OPCML: variants seen among roughly 807,000 people sequenced by gnomAD.
The protein encoded by OPCML is opioid-binding protein/cell adhesion molecule.
OPCML carries 13 observed loss-of-function variants against 37.8 expected under a neutral mutation model. That is an observed-to-expected ratio of 0.34 (90% CI 0.22 to 0.55). OPCML has a LOEUF of 0.55. Ranked by LOEUF, OPCML falls within the 20% of genes least tolerant of loss-of-function variation. The pLI is 0.91. For synonymous variants in OPCML, 176 were observed against 168.8 expected (o/e 1.04, Z -0.33); for missense variants, 341 against 435.6 (o/e 0.78, Z 1.93).
chr11:133,220,434 T>A lies in OPCML; in HGVS notation c.62-277424A>T, dbSNP rs531465032. 2.6e-5 allele frequency among the ~76,000 whole-genome samples: 4 copies of A among 152,256 alleles called. No individual in the cohort carries two copies. In the South Asian group the frequency reaches 6.2e-4, roughly 24 times the overall value. ...TTCCACATGAAGGCCACCCTTGCTT[T>A]CCCAGGGCTCTACTGCTGCCAGACA... On this transcript the variant is annotated intron_variant, in intron 1 of 7. Transcript: ENST00000524381.
rs113888401 is a variant in OPCML, at chr11:132,549,175, C to A, written c.380-19989G>T. 5.3e-5 allele frequency among the ~76,000 whole-genome samples: 8 copies of A among 152,280 alleles called. No individual in the cohort carries two copies. The East Asian group carries it at 1.6e-3, about 30-fold the overall frequency. ...CCAAAACTCACCAAAACCAAGATGG[C>A]GAAGAAAGTGACCTCTGGTCACCCT... On this transcript the variant is annotated intron_variant, in intron 3 of 7. Coordinates refer to ENST00000524381, the MANE Select transcript of OPCML (RefSeq NM_001012393.5).
At chr11:132,997,017 A>G (rs1946901056) in intron 1 of OPCML, among the ~76,000 whole-genome samples, 1 of 152,134 alleles carries the variant, frequency 6.6e-6, no homozygotes, top group South Asian at 2.1e-4. Flanking sequence ...GGAGCCTGGT[A>G]TCTCTGGGTC....
chr11:132,464,227 T>G (rs551889134), intron 4 of OPCML, among the ~76,000 whole-genome samples: 151 of 152,256 alleles, frequency 9.9e-4, no homozygotes, highest in African/African-American at 3.0e-3. Flanking sequence ...CCTTCATGTC[T>G]CTGTCTGGAA....
At chr11:132,864,637 C>G (rs1337900574) in intron 2 of OPCML, among the ~76,000 whole-genome samples, 1 of 152,072 alleles carries the variant, frequency 6.6e-6, no homozygotes, top group African/African-American at 2.4e-5. Flanking sequence ...AGTAGGAATT[C>G]AATAAATTTG....
intron 1 of OPCML, among the ~76,000 whole-genome samples, chr11:133,180,010 G>C (rs1937747755): frequency 6.6e-6 from 1 of 152,134 alleles, no homozygotes; most frequent in African/African-American, 2.4e-5. Flanking sequence ...CCCGCAGAAG[G>C]CAACCATGGG....
chr11:133,362,929 C>T (rs189232996), intron 1 of OPCML, among the ~76,000 whole-genome samples: 197 of 152,292 alleles, frequency 1.3e-3, no homozygotes, highest in Non-Finnish European at 2.1e-3. Flanking sequence ...CCTAAAGCTG[C>T]TCAGAAGGGA....
chr11:132,474,865 G>A (rs2096149996), intron 4 of OPCML, among the ~76,000 whole-genome samples: 2 of 152,150 alleles, frequency 1.3e-5, no homozygotes. Flanking sequence ...GTCATACCTG[G>A]CACCTCAACT....
chr11:132,820,906 C>A (rs773813894), intron 2 of OPCML, among the ~76,000 whole-genome samples: 2 of 152,160 alleles, frequency 1.3e-5, no homozygotes, highest in African/African-American at 4.8e-5. Context: ...AGATACATAG[C>A]ATGTATGTTT....
intron 1 of OPCML, among the ~76,000 whole-genome samples, chr11:132,988,018 T>A (rs1475707761): frequency 6.6e-6 from 1 of 152,256 alleles, no homozygotes; most frequent in Admixed American, 6.5e-5. Context: ...CTGTTAGTTA[T>A]GACTCAACAA....
At chr11:132,919,901 G>A (rs1300211805) in intron 2 of OPCML, among the ~76,000 whole-genome samples, 5 of 152,208 alleles carry the variant, frequency 3.3e-5, no homozygotes, top group Admixed American at 6.5e-5. Context: ...CAGAGAATGC[G>A]TATTGTGCGA....
At chr11:133,071,872 A>G (rs922421317) in intron 1 of OPCML, among the ~76,000 whole-genome samples, 1 of 152,156 alleles carries the variant, frequency 6.6e-6, no homozygotes, top group Non-Finnish European at 1.5e-5. Context: ...CAAATCCAAG[A>G]GCAAATCTTC....
At chr11:133,255,953 A>G (rs1160810003) in intron 1 of OPCML, among the ~76,000 whole-genome samples, 2 of 152,210 alleles carry the variant, frequency 1.3e-5, no homozygotes, top group Non-Finnish European at 2.9e-5. Context: ...CTTTTTAAAG[A>G]CTATTTAATA....
At chr11:133,497,904 C>A (rs1947819868) in intron 1 of OPCML, among the ~76,000 whole-genome samples, 1 of 152,226 alleles carries the variant, frequency 6.6e-6, no homozygotes, top group Non-Finnish European at 1.5e-5. Context: ...CTCCCCACTG[C>A]AAGTGAATCG....
chr11:133,375,421 T>A (rs1484524343), intron 1 of OPCML, among the ~76,000 whole-genome samples: 1 of 152,230 alleles, frequency 6.6e-6, no homozygotes, highest in East Asian at 1.9e-4. Flanking sequence ...AAGTATCCTA[T>A]CCTCTGGCAT....
intron 4 of OPCML, among the ~76,000 whole-genome samples, chr11:132,495,194 G>C (rs1469819826): frequency 6.6e-6 from 1 of 152,058 alleles, no homozygotes; most frequent in Non-Finnish European, 1.5e-5. Flanking sequence ...CATTTATTGA[G>C]CCTTCATCCA....
At chr11:132,753,629 C>T (rs1207285132) in intron 2 of OPCML, among the ~76,000 whole-genome samples, 1 of 152,084 alleles carries the variant, frequency 6.6e-6, no homozygotes, top group Non-Finnish European at 1.5e-5. Flanking sequence ...TACATATCTG[C>T]CTGTCAATCT....
At chr11:133,368,229 A>T (rs1026678767) in intron 1 of OPCML, among the ~76,000 whole-genome samples, 1 of 95,740 alleles carries the variant, frequency 1.0e-5, no homozygotes, top group Admixed American at 1.2e-4. Context: ...AGGAATATAG[A>T]GAAGGAAAAG....
intron 1 of OPCML, among the ~76,000 whole-genome samples, chr11:132,992,063 A>T (rs1946791142): frequency 6.6e-6 from 1 of 152,148 alleles, no homozygotes. Context: ...CAATATTATT[A>T]TGATGAAGCC....
chr11:133,314,190 G>T (rs370440016), intron 1 of OPCML, among the ~76,000 whole-genome samples: 1 of 122,666 alleles, frequency 8.2e-6, no homozygotes, highest in African/African-American at 3.3e-5. Context: ...AGCCGAGATC[G>T]CGCCACTGCA....
Sources: gnomAD v4.1 joint callset for allele counts (sites outside exome capture counted in the v4.1 genomes callset) on GRCh38, gnomAD v4.1.1 for gene constraint, MANE v1.5 for transcripts, NCBI Gene and HGNC (gene_info 2026-07-23, HGNC 2026-07-21) for gene names.